Variants in SEC16A observed in about 807,000 individuals in gnomAD.
SEC16A encodes SEC16 homolog A, endoplasmic reticulum export factor, also known as protein transport protein Sec16A.
Under a neutral mutation model 221.9 loss-of-function variants are expected in SEC16A, and 110 were observed. The observed-to-expected ratio is 0.50, with a 90% CI of 0.42 to 0.58. SEC16A has a LOEUF of 0.58. SEC16A is among the 20% of genes least tolerant of loss of function. SEC16A has a pLI of 0.00. For synonymous variants in SEC16A, 1,393 were observed against 1,257.7 expected, an observed-to-expected ratio of 1.11 and a Z score of -2.28; for missense variants, 3,165 against 3,097.8, an observed-to-expected ratio of 1.02 and a Z score of -0.52.
Position 136,474,663 on chromosome 9 carries a change from T to G in SEC16A, c.2953A>C (p.Ser985Arg), listed in dbSNP as rs1291829869. 5.6e-6 allele frequency: 9 copies of G among 1,613,592 alleles called. No individual in the cohort carries two copies. The highest frequency in any genetic ancestry group is 7.6e-6 in the Non-Finnish European group (9 of 1,179,912). The part of the protein sequence containing the change: ...VPDGNKANHS[S>R]HQEDTYGALD... ...GCTCCGTAAGTGTCTTCCTGATGAC[T>G]GGAATGGTTTGCCTTATTACCATCA... The change falls in exon 3 of 32, where the codon AGT (serine) becomes CGT (arginine). Residue 985 changes from serine (S) to arginine (R), a missense_variant. Around this residue, in one of 3 missense-constraint regions of SEC16A, gnomAD observed 2,030 missense variants for 1,923.1 expected, o/e 1.06. Transcript: ENST00000684901.
chr9:136,453,101 G>A lies in SEC16A; in HGVS notation c.6159+327C>T, dbSNP rs796764565. 6.7e-5 allele frequency among the ~76,000 whole-genome samples: 10 copies of A among 149,818 alleles called. No individual in the cohort carries two copies. The South Asian group carries it at 8.4e-4, about 13-fold the overall frequency. On this transcript the variant is annotated intron_variant, in intron 22 of 31. Transcript: ENST00000684901. The stretch of plus-strand genomic sequence containing the variant: ...AAAAAAAAGAAAAAAAAAAGAAAAA[G>A]AGATGTAGAAATCAGAGAAGGTACC...
At chr9:136,442,008 C>A (rs1385394033) in intron 31 of SEC16A, among the ~76,000 whole-genome samples, 185 bp from the exon 32 acceptor site, 3 of 152,244 alleles carry the variant, frequency 2.0e-5, no homozygotes, top group African/African-American at 7.2e-5. Flanking sequence ...AAGTCCTGGG[C>A]TCCCTTGAAA....
chr9:136,470,529 G>A (rs1198497804), intron 4 of SEC16A, among the ~76,000 whole-genome samples: 2 of 152,174 alleles, frequency 1.3e-5, no homozygotes, highest in African/African-American at 2.4e-5. Flanking sequence ...TTCAAACCCC[G>A]CTTCCCAGGT....
upstream of SEC16A, chr9:136,484,557 C>T (rs1252097232): frequency 7.6e-7 from 1 of 1,316,248 alleles, no homozygotes; most frequent in South Asian, 1.2e-5. Flanking sequence ...GGTGCCCGCC[C>T]GATGGCATCG....
At chr9:136,468,063 A>G (rs1233488413) in intron 5 of SEC16A, among the ~76,000 whole-genome samples, 1 of 152,114 alleles carries the variant, frequency 6.6e-6, no homozygotes, top group Non-Finnish European at 1.5e-5. Context: ...ATGGTTTTTC[A>G]TTTCACTTCC....
chr9:136,469,695 A>C (rs1032051338), intron 4 of SEC16A, among the ~76,000 whole-genome samples: 6 of 152,218 alleles, frequency 3.9e-5, no homozygotes, highest in Admixed American at 1.3e-4. Flanking sequence ...AGCATTTTAT[A>C]ATTTTCATAC....
At chr9:136,461,385 G>C (rs1289348868) in intron 12 of SEC16A, 111 bp from the exon 13 acceptor site, 4 of 760,836 alleles carry the variant, frequency 5.3e-6, no homozygotes, top group East Asian at 5.4e-5. Context: ...ACAACCCAAA[G>C]GCCTCAAAAA....
intron 30 of SEC16A, chr9:136,444,141 G>T (rs941711262): frequency 2.5e-6 from 1 of 395,696 alleles, no homozygotes. Context: ...GCAATGGGAA[G>T]GTGCACACAG....
At chr9:136,446,104 G>T (rs1039305581) in intron 28 of SEC16A, among the ~76,000 whole-genome samples, 16 of 135,100 alleles carry the variant, frequency 1.2e-4, no homozygotes, top group Admixed American at 4.6e-4. Flanking sequence ...GTCTGAGCTG[G>T]TTTTTTTTTT....
intron 28 of SEC16A, 118 bp downstream of exon 28, chr9:136,446,737 G>C (rs1341594200): frequency 2.8e-6 from 3 of 1,055,068 alleles, no homozygotes; most frequent in Non-Finnish European, 4.1e-6. Flanking sequence ...GGCGTTTAAG[G>C]CGGAACACTC....
In SEC16A at chr9:136,476,399, C is replaced by A. The variant is rs1383408670; in HGVS notation, c.1217G>T (p.Ser406Ile). ...TGCGGGCGGACGGCCTAGCCCAGGG[C>A]TGGAGCAGAAATCGTCAAAGTCCGC... ...GQADFDDFCS[S>I]PGLGRPPAPT... Residue 406 changes from serine to isoleucine, a missense_variant, in exon 3 of 32, where the codon AGC (serine) becomes ATC (isoleucine). Physicochemically the swap from Ser to Ile is moderately radical, Grantham distance 142. This residue lies in a region of SEC16A where 2,030 missense variants were observed against 1,923.1 expected (regional missense o/e 1.06). Transcript: ENST00000684901. 2 of 1,612,742 alleles carry A rather than the reference C, an allele frequency of 1.2e-6. No individual in the cohort carries two copies. The highest frequency in any genetic ancestry group is 4.5e-5 in the East Asian group (2 of 44,896).
chr9:136,476,190 G>A lies in SEC16A; in HGVS notation c.1426C>T (p.Leu476Phe), dbSNP rs770994307. 1.1e-5 allele frequency: 18 copies of A among 1,613,754 alleles called. No individual in the cohort carries two copies. The highest frequency in any genetic ancestry group is 6.7e-5 in the Admixed American group (4 of 60,008). The change falls in exon 3 of 32, where the codon CTC becomes TTC. Residue 476 changes from leucine to phenylalanine, a missense_variant. Physicochemically the swap from Leu to Phe is conservative, Grantham distance 22. Coordinates refer to ENST00000684901, the MANE Select transcript of SEC16A (RefSeq NM_014866.2). ...QNQEVLPSEP[L>F]NLDPSSPSDQ... ...CTCGGGGAGGAAGGGTCCAAATTGAGGGGCTCACTTGGCAGAACTTCTTGA... is the reference window on the plus strand; with the variant it reads ...CTCGGGGAGGAAGGGTCCAAATTGAAGGGCTCACTTGGCAGAACTTCTTGA...
intron 17 of SEC16A, among the ~76,000 whole-genome samples, 187 bp downstream of exon 17, chr9:136,458,947 G>A (rs1839100809): frequency 6.6e-6 from 1 of 152,084 alleles, no homozygotes; most frequent in East Asian, 1.9e-4. Context: ...AAATGCAAAC[G>A]GAAAGCCTCA....
chr9:136,466,900 G>A lies in SEC16A; in HGVS notation c.3929+57C>T. The stretch of plus-strand genomic sequence containing the variant: ...AAAACCCAGACATGAGGGCAGAGAA[G>A]CACTAGCGCGCCCTGGCTGCCCCCA... On this transcript the variant is annotated intron_variant, in intron 6 of 31. Transcript: ENST00000684901. This position sits in a 1 kb window ranked among gnomAD's most constrained non-coding sequence, Gnocchi z 5.5. 2 of 1,565,988 alleles carry A rather than the reference G, an allele frequency of 1.3e-6. No homozygotes were observed. Among genetic ancestry groups the A allele is most frequent in the Non-Finnish European group, 8.6e-7 (1 of 1,157,724 alleles).
intron 4 of SEC16A, among the ~76,000 whole-genome samples, chr9:136,469,088 G>A (rs925044447): frequency 1.3e-5 from 2 of 152,062 alleles, no homozygotes; most frequent in Non-Finnish European, 2.9e-5. Context: ...GGGGTCAAGC[G>A]ATCCACCCAC....
rs752510860 is a variant in SEC16A at position 136,452,449 on chromosome 9, CAAAAAAAAAA to C, written c.6159+969_6159+978del. On this transcript the variant is annotated intron_variant, in intron 22 of 31. Coordinates refer to ENST00000684901, the MANE Select transcript of SEC16A (RefSeq NM_014866.2). Reference sequence around the variant, plus strand: ...TGGGCGACAGAGAGAAACTCCATCTCAAAAAAAAAAAAAAAAAAAAAAAAAAAAAGAGATG... The same window carrying C: ...TGGGCGACAGAGAGAAACTCCATCTCAAAAAAAAAAAAAAAAAAAGAGATG... Among the ~76,000 whole-genome samples, 38 of 23,296 alleles carry C rather than the reference CAAAAAAAAAA, an allele frequency of 1.6e-3. 1 individual carries two copies. The highest frequency in any genetic ancestry group is 5.1e-3 in the African/African-American group (31 of 6,074). The allele number at this position is 23,296 out of a possible 152,430, so 15.3% of individuals were successfully genotyped here.
chr9:136,484,616 C>G (rs754932955), upstream of SEC16A: 1 of 1,361,514 alleles, frequency 7.3e-7, no homozygotes, highest in South Asian at 1.1e-5. Flanking sequence ...TGGGTGGGAG[C>G]CACCCTTGTC....
chr9:136,483,497 T>A (rs57756181), upstream of SEC16A: 988 of 947,392 alleles, frequency 1.0e-3, 10 homozygotes, highest in African/African-American at 0.019. Context: ...CCGGCGTCCG[T>A]CTGCCGCCTC....
Position 136,442,825 on chromosome 9 carries a change from G to C in SEC16A, c.7005+998C>G, listed in dbSNP as rs532084174. 1.2e-3 allele frequency among the ~76,000 whole-genome samples: 187 copies of C among 152,378 alleles called. 1 individual carries two copies. Among genetic ancestry groups the C allele is most frequent in the Non-Finnish European group, 2.4e-3 (161 of 68,038 alleles). On this transcript the variant is annotated intron_variant, in intron 31 of 31. Transcript: ENST00000684901. Reference sequence around the variant, plus strand: ...GCCCAAGAATTCTACCAGCCAGCCAGATAGGCCGGAGGAGAAAGGCAGCTC... The same window carrying C: ...GCCCAAGAATTCTACCAGCCAGCCACATAGGCCGGAGGAGAAAGGCAGCTC...
Sources: allele counts gnomAD v4.1 joint callset (sites outside exome capture counted in the v4.1 genomes callset), GRCh38; gene constraint gnomAD v4.1.1; regional missense constraint gnomAD v4.1.1; non-coding constraint Gnocchi (gnomAD v3.1); transcripts MANE v1.5; gene names NCBI Gene and HGNC (gene_info 2026-07-23, HGNC 2026-07-21).